Variants in CCDC69 observed in about 807,000 individuals in gnomAD.
The protein encoded by CCDC69 is coiled-coil domain-containing protein 69.
A neutral mutation model predicts 40.3 loss-of-function variants in CCDC69; 38 were observed. That is an observed-to-expected ratio of 0.94 (90% CI 0.73 to 1.24). The LOEUF (loss-of-function observed/expected upper bound fraction) is 1.24, where lower values mean the gene tolerates loss of function less well. CCDC69 is among the 50% of genes most tolerant of loss of function. The pLI, the probability that CCDC69 is intolerant of heterozygous loss-of-function variation, is 0.00. For synonymous variants in CCDC69, 141 were observed against 138.9 expected (o/e 1.02, Z -0.11); for missense variants, 389 against 357.9 (o/e 1.09, Z -0.70).
intron 2 of CCDC69, among the ~76,000 whole-genome samples, chr5:151,202,635 A>G (rs748612494): frequency 1.3e-5 from 2 of 152,224 alleles, no homozygotes; most frequent in Non-Finnish European, 2.9e-5. Flanking sequence ...GCTGGGGCCC[A>G]TGAGCATCTG....
intron 3 of CCDC69, 117 bp downstream of exon 3, chr5:151,201,464 TA>T: frequency 1.6e-6 from 1 of 636,198 alleles, no homozygotes; most frequent in East Asian, 2.7e-5. Flanking sequence ...CCCTTCCTGG[TA>T]AAATGAGTAA....
At chr5:151,198,177 A>C (rs1752725354) in intron 4 of CCDC69, among the ~76,000 whole-genome samples, 2 of 152,170 alleles carry the variant, frequency 1.3e-5, no homozygotes, top group Admixed American at 6.5e-5. Flanking sequence ...TAAATTGTTT[A>C]ATTCTTACAA....
At chr5:151,195,767 C>G (rs1752692323) in intron 4 of CCDC69, among the ~76,000 whole-genome samples, 1 of 149,972 alleles carries the variant, frequency 6.7e-6, no homozygotes, top group Non-Finnish European at 1.5e-5. Context: ...ACACACACAC[C>G]CACACACACC....
At chr5:151,202,851 T>A (rs1752794458) in intron 2 of CCDC69, among the ~76,000 whole-genome samples, 1 of 152,130 alleles carries the variant, frequency 6.6e-6, no homozygotes, top group South Asian at 2.1e-4. Context: ...ACCTAATACA[T>A]GGGATCAGGA....
At chr5:151,212,612 A>G (rs1752969691) in intron 1 of CCDC69, 3 of 365,152 alleles carry the variant, frequency 8.2e-6, no homozygotes, top group Non-Finnish European at 1.6e-5. Context: ...TTAGAGGGTA[A>G]ACTGACACAC....
chr5:151,184,780 A>C (rs1752457201), intron 7 of CCDC69: 1 of 189,538 alleles, frequency 5.3e-6, no homozygotes, highest in African/African-American at 2.4e-5. Flanking sequence ...TGTTTCCACA[A>C]AAATGAGCGA....
intron 3 of CCDC69, 31 bp downstream of exon 3, chr5:151,201,551 A>G (rs763433931): frequency 6.8e-7 from 1 of 1,471,484 alleles, no homozygotes; most frequent in Non-Finnish European, 9.5e-7. Context: ...TGAGCAGGAG[A>G]AAGACAGGGG....
At chr5:151,185,338 C>T in intron 7 of CCDC69, 84 bp downstream of exon 7, 2 of 1,503,096 alleles carry the variant, frequency 1.3e-6, no homozygotes, top group Non-Finnish European at 1.8e-6. Flanking sequence ...CCTCAAACCA[C>T]CTCCCCTCTG....
chr5:151,186,814 GC>G, intron 5 of CCDC69, among the ~76,000 whole-genome samples: 1 of 152,194 alleles, frequency 6.6e-6, no homozygotes, highest in Non-Finnish European at 1.5e-5. Flanking sequence ...TTCCACTCTG[GC>G]CCTTGCTCAC....
intron 4 of CCDC69, among the ~76,000 whole-genome samples, chr5:151,188,924 A>C (rs1374552790): frequency 2.6e-5 from 4 of 152,168 alleles, no homozygotes; most frequent in African/African-American, 9.7e-5. Flanking sequence ...GAGCAAGAAG[A>C]CCAGAATTTG....
rs1054535175 is a variant in CCDC69 at position 151,184,280 on chromosome 5, T to C, written c.713+64A>G. ...CATTCCTCAGGCCCCTCTAAGACTC[T>C]CCCAGCTGGGAATTTTGGCAAAAAG... On this transcript the variant is annotated intron_variant, in intron 8 of 8. Coordinates refer to ENST00000355417, the MANE Select transcript of CCDC69 (RefSeq NM_015621.3). The C allele has an allele frequency of 3.3e-5, 41 of 1,253,294 alleles. No individual in the cohort carries two copies. In the African/African-American group the frequency reaches 5.6e-4, roughly 17 times the overall value. 77.6% of individuals were successfully genotyped at this position (1,253,294 alleles called of 1,614,324 possible). A position where few individuals can be genotyped will look rare whatever the true frequency, so the allele number is the denominator to read the frequency against.
At chr5:151,210,246 T>C (rs940723403) in intron 1 of CCDC69, among the ~76,000 whole-genome samples, 10 of 152,212 alleles carry the variant, frequency 6.6e-5, no homozygotes, top group African/African-American at 2.4e-4. Flanking sequence ...TTTGCTTTAA[T>C]AAATATATTG....
Position 151,224,034 on chromosome 5 carries a change from C to T in CCDC69, c.-64G>A. ...GGGGCCCCCAGAGGAGCCTGCGATCCGGGCCCCGCTGCCCGCTCCGCGCCC... is the reference window on the plus strand; with the variant it reads ...GGGGCCCCCAGAGGAGCCTGCGATCTGGGCCCCGCTGCCCGCTCCGCGCCC... On this transcript the variant is annotated 5_prime_UTR_variant, in exon 1 of 9. Transcript: ENST00000355417. 7.0e-7 allele frequency: 1 copy of T among 1,419,912 alleles called. No homozygotes were observed. Among genetic ancestry groups the T allele is most frequent in the Non-Finnish European group, 9.4e-7 (1 of 1,061,302 alleles). The allele number at this position is 1,419,912 out of a possible 1,614,324, so 88.0% of individuals were successfully genotyped here.
rs749504572 is a variant in CCDC69 at position 151,184,411 on chromosome 5, T to C, written c.646A>G (p.Ile216Val). Reference sequence around the variant, plus strand: ...TCATTTTCCTGTTGCAGGGTCGTAATTTTTTCCTCCAATATCAGATTTTTC... The same window carrying C: ...TCATTTTCCTGTTGCAGGGTCGTAACTTTTTCCTCCAATATCAGATTTTTC... ...KEKNLILEEKITTLQQENEDL... is the reference protein window; with the variant it reads ...KEKNLILEEKVTTLQQENEDL... The change falls in exon 8 of 9, where the codon ATT (isoleucine) becomes GTT (valine). Residue 216 changes from isoleucine to valine, a missense_variant. By Grantham distance (29) the Ile-to-Val change is conservative. Coordinates refer to ENST00000355417, the MANE Select transcript of CCDC69 (RefSeq NM_015621.3). The C allele has an allele frequency of 1.7e-5, 27 of 1,613,872 alleles. No individual in the cohort carries two copies. The highest frequency in any genetic ancestry group is 2.2e-5 in the Non-Finnish European group (26 of 1,179,724).
chr5:151,199,104 G>C lies in CCDC69; in HGVS notation c.232-20C>G. On this transcript the variant is annotated intron_variant, in intron 3 of 8. Coordinates refer to ENST00000355417, the MANE Select transcript of CCDC69 (RefSeq NM_015621.3). ...CTCCACCTGGGGGCAGAGAGTCCCGGGCAGGACTGAGATTGAGCAGGATCA... is the reference window on the plus strand; with the variant it reads ...CTCCACCTGGGGGCAGAGAGTCCCGCGCAGGACTGAGATTGAGCAGGATCA... The C allele has an allele frequency of 1.3e-6, 2 of 1,598,868 alleles. No homozygotes were observed. Among genetic ancestry groups the C allele is most frequent in the Non-Finnish European group, 1.7e-6 (2 of 1,167,076 alleles).
At chr5:151,219,968 C>T (rs1258827032) in intron 1 of CCDC69, among the ~76,000 whole-genome samples, 4 of 151,994 alleles carry the variant, frequency 2.6e-5, no homozygotes, top group Non-Finnish European at 5.9e-5. Context: ...GAAATCTGCT[C>T]GATTTAGCCT....
intron 2 of CCDC69, among the ~76,000 whole-genome samples, chr5:151,203,815 CGTATATATA>C (rs1335178656): frequency 8.5e-6 from 1 of 118,186 alleles, no homozygotes; most frequent in Non-Finnish European, 1.7e-5. Context: ...TAATATATAT[CGTATATATA>C]GTATATATAT....
intron 1 of CCDC69, among the ~76,000 whole-genome samples, chr5:151,220,587 G>A (rs1158669769): frequency 6.6e-6 from 1 of 152,186 alleles, no homozygotes; most frequent in Non-Finnish European, 1.5e-5. Context: ...GCTCATGAAG[G>A]GCTGCTGAAT....
intron 4 of CCDC69, chr5:151,198,767 A>G: frequency 2.3e-6 from 1 of 435,486 alleles, no homozygotes; most frequent in Admixed American, 3.8e-5. Flanking sequence ...AAAGAAAAAA[A>G]TACCTCTCAA....
Sources: allele counts gnomAD v4.1 joint callset (sites outside exome capture counted in the v4.1 genomes callset), GRCh38; gene constraint gnomAD v4.1.1; transcripts MANE v1.5; gene names NCBI Gene and HGNC (gene_info 2026-07-23, HGNC 2026-07-21).